MDM4: variants seen among roughly 807,000 people sequenced by gnomAD.
The protein encoded by MDM4 is protein Mdm4.
In MDM4, 2 loss-of-function variants were observed where a neutral mutation model predicts 60.2. That is an observed-to-expected ratio of 0.03 (90% CI 0.01 to 0.10). The LOEUF (loss-of-function observed/expected upper bound fraction) is 0.10, where lower values mean the gene tolerates loss of function less well. MDM4 is among the 10% of genes least tolerant of loss of function. The probability of loss-of-function intolerance (pLI) is 1.00; values close to 1 mark genes in which losing one functional copy is unlikely to be tolerated. For synonymous variants in MDM4, 202 were observed against 198.1 expected (o/e 1.02, Z -0.17); for missense variants, 447 against 577.5 (o/e 0.77, Z 2.32).
Position 204,529,674 on chromosome 1 carries a change from G to A in MDM4, c.154-1010G>A, listed in dbSNP as rs538125542. ...TGCCCTGCATCTCCAGGGCAGCCCC[G>A]CCCATACAGATAGCTGGCTGTGGCA... On this transcript the variant is annotated intron_variant, in intron 3 of 10. Coordinates refer to ENST00000367182, the MANE Select transcript of MDM4 (RefSeq NM_002393.5). 42 of 619,246 alleles carry A rather than the reference G, an allele frequency of 6.8e-5. No individual in the cohort carries two copies. The African/African-American group carries it at 7.1e-4, about 10-fold the overall frequency. 38.4% of individuals were successfully genotyped at this position (619,246 alleles called of 1,614,324 possible). A position where few individuals can be genotyped will look rare whatever the true frequency, so the allele number is the denominator to read the frequency against.
chr1:204,527,071 G>A (rs1360963750), intron 3 of MDM4, among the ~76,000 whole-genome samples: 1 of 151,754 alleles, frequency 6.6e-6, no homozygotes, highest in African/African-American at 2.4e-5. Context: ...GAGGTGGAGG[G>A]ATTGCATGAA....
At chr1:204,519,018 A>G (rs921931811) in intron 1 of MDM4, among the ~76,000 whole-genome samples, 14 of 152,198 alleles carry the variant, frequency 9.2e-5, no homozygotes, top group African/African-American at 3.4e-4. Flanking sequence ...TTGAAGGTTT[A>G]GGATGAATCA....
rs570318072 is a variant in MDM4, at chr1:204,517,484, ACTTCTGCCTCACGGGTTCAAGTGATT to A, written c.-36+987_-36+1012del. Among the ~76,000 whole-genome samples, 220 of 151,856 alleles carry A rather than the reference ACTTCTGCCTCACGGGTTCAAGTGATT, an allele frequency of 1.4e-3. 1 individual carries two copies. Among genetic ancestry groups the A allele is most frequent in the African/African-American group, 5.0e-3 (209 of 41,454 alleles). On this transcript the variant is annotated intron_variant, in intron 1 of 10. Coordinates refer to ENST00000367182, the MANE Select transcript of MDM4 (RefSeq NM_002393.5). ...AGTGGCGCGATCTTGGCTCACTGCA[ACTTCTGCCTCACGGGTTCAAGTGATT>A]CTTCTGCCTCAGCCTCCCGGGTCGC...
chr1:204,531,835 A>G (rs1351438839), intron 4 of MDM4, among the ~76,000 whole-genome samples: 1 of 150,384 alleles, frequency 6.6e-6, no homozygotes, highest in Non-Finnish European at 1.5e-5. Flanking sequence ...TCCGTCTCCA[A>G]AAAAAAAAGA....
Position 204,538,099 on chromosome 1 carries a change from G to C in MDM4, c.412-110G>C, listed in dbSNP as rs1028520580. The C allele has an allele frequency of 5.2e-6, 4 of 769,200 alleles. No individual in the cohort carries two copies. In the Admixed American group the frequency reaches 7.1e-5, roughly 14 times the overall value. 47.6% of individuals were successfully genotyped at this position (769,200 alleles called of 1,614,324 possible). ...GTTGTGAACTTGAGTTCTCTTTCTT[G>C]TGTGTAACCCATTGTGTTGCACACT... On this transcript the variant is annotated intron_variant, in intron 6 of 10. Transcript: ENST00000367182.
chr1:204,551,156 C>T lies in MDM4; in HGVS notation c.*1474C>T, dbSNP rs1558340717. 2 of 192,818 alleles carry T rather than the reference C, an allele frequency of 1.0e-5. No homozygotes were observed. The highest frequency in any genetic ancestry group is 2.2e-5 in the Non-Finnish European group (2 of 92,462). 11.9% of individuals were successfully genotyped at this position (192,818 alleles called of 1,614,324 possible). On this transcript the variant is annotated 3_prime_UTR_variant, in exon 11 of 11. Transcript: ENST00000367182. ...CTCCCAGATCCAAGCAATCCTCCCACCTAAGCCTCCCAAGTAGCTGGGTCT... is the reference window on the plus strand; with the variant it reads ...CTCCCAGATCCAAGCAATCCTCCCATCTAAGCCTCCCAAGTAGCTGGGTCT...
rs890177144 is a variant in MDM4, at chr1:204,549,880, G to A, written c.*198G>A. 1.3e-5 allele frequency: 6 copies of A among 462,912 alleles called. No homozygotes were observed. Among genetic ancestry groups the A allele is most frequent in the African/African-American group, 1.2e-4 (6 of 49,966 alleles). 28.7% of individuals were successfully genotyped at this position (462,912 alleles called of 1,614,324 possible). A position where few individuals can be genotyped will look rare whatever the true frequency, so the allele number is the denominator to read the frequency against. The stretch of plus-strand genomic sequence containing the variant: ...ATTAGTCAAATTATTAAGTGCCATG[G>A]ATTACTTTATGCAGCAGTCAGGTAC... On this transcript the variant is annotated 3_prime_UTR_variant, in exon 11 of 11. Coordinates refer to ENST00000367182, the MANE Select transcript of MDM4 (RefSeq NM_002393.5).
intron 1 of MDM4, among the ~76,000 whole-genome samples, chr1:204,519,037 C>A (rs1467898401): frequency 6.6e-6 from 1 of 152,108 alleles, no homozygotes; most frequent in Non-Finnish European, 1.5e-5. Flanking sequence ...CAGTTTTGTA[C>A]AAAACTCACA....
intron 4 of MDM4, 82 bp from the exon 5 acceptor site, chr1:204,532,109 C>A: frequency 2.4e-6 from 2 of 816,400 alleles, no homozygotes; most frequent in Non-Finnish European, 2.1e-6. Context: ...ATCAGAAATA[C>A]ATTTAATATT....
intron 9 of MDM4, among the ~76,000 whole-genome samples, chr1:204,546,216 T>C (rs1418661856): frequency 6.6e-6 from 1 of 152,186 alleles, no homozygotes; most frequent in Non-Finnish European, 1.5e-5. Flanking sequence ...TTTTAAATTG[T>C]TTTAGAGACA....
rs4252740 is a variant in MDM4, at chr1:204,549,118, G to A, written c.909G>A (p.Glu303=). The change falls in exon 11 of 11, where the codon GAG becomes GAA. Residue 303 remains glutamate (E), a synonymous_variant. Transcript: ENST00000367182. ...DTDVEVTSED[E]WQCTECKKFN... Reference sequence around the variant, plus strand: ...GGCTTCACTTGTCTTTGTAGGATGAGTGGCAGTGTACTGAATGCAAGAAAT... The same window carrying A: ...GGCTTCACTTGTCTTTGTAGGATGAATGGCAGTGTACTGAATGCAAGAAAT... 2.2e-3 allele frequency: 3,506 copies of A among 1,592,810 alleles called. 114 individuals carry two copies. In the Admixed American group the frequency reaches 0.057, roughly 26 times the overall value.
At position 204,555,825 on chromosome 1, in the gene MDM4, A is replaced by G. The variant is rs1487204554; in HGVS notation, c.*6143A>G. On this transcript the variant is annotated 3_prime_UTR_variant, in exon 11 of 11. Transcript: ENST00000367182. ...GGTTGCAGTGAGCCGAGACTGCACC[A>G]CTGCGCTCCCACCTGGGTGACAGAG... 1 of 182,184 alleles carries G rather than the reference A, an allele frequency of 5.5e-6. No homozygotes were observed. Among genetic ancestry groups the G allele is most frequent in the African/African-American group, 2.4e-5 (1 of 42,502 alleles). The allele number at this position is 182,184 out of a possible 1,614,324, so 11.3% of individuals were successfully genotyped here.
chr1:204,523,503 C>CTTTTTTA (rs1558310755), intron 1 of MDM4, among the ~76,000 whole-genome samples: 1 of 82,004 alleles, frequency 1.2e-5, no homozygotes, highest in East Asian at 4.1e-4. Context: ...TTTTTTTTTG[C>CTTTTTTA]GACAGGGTAT....
At position 204,538,249 on chromosome 1, in the gene MDM4, C is replaced by T; in HGVS notation, c.452C>T (p.Thr151Ile). 1 of 1,611,838 alleles carries T rather than the reference C, an allele frequency of 6.2e-7. No individual in the cohort carries two copies. The highest frequency in any genetic ancestry group is 8.5e-7 in the Non-Finnish European group (1 of 1,177,886). Residue 151 changes from threonine (T) to isoleucine (I), a missense_variant, in exon 7 of 11, where the codon ACA (threonine) becomes ATA (isoleucine). By Grantham distance (89) the Thr-to-Ile change is moderately conservative. This residue lies in a region of MDM4 where 184 missense variants were observed against 179.3 expected (regional missense o/e 1.03). Coordinates refer to ENST00000367182, the MANE Select transcript of MDM4 (RefSeq NM_002393.5). ...AGTTCCACTTCCAGAAAAAGAACTA[C>T]AGAAGACGATATCCCCACACTGCCT... ...EESSTSRKRT[T>I]EDDIPTLPTS...
chr1:204,532,132 A>G (rs1481157352), intron 4 of MDM4, 59 bp from the exon 5 acceptor site: 10 of 1,002,258 alleles, frequency 1.0e-5, no homozygotes, highest in Non-Finnish European at 1.6e-5. Context: ...ACGGCAAACC[A>G]CTGATATCTT....
intron 5 of MDM4, among the ~76,000 whole-genome samples, chr1:204,535,456 C>T (rs1336923045): frequency 2.7e-5 from 4 of 150,604 alleles, no homozygotes; most frequent in Non-Finnish European, 5.9e-5. Context: ...TGCACCCAGC[C>T]TAAAATGGTA....
chr1:204,521,426 C>T (rs933376378), intron 1 of MDM4, among the ~76,000 whole-genome samples: 2 of 151,980 alleles, frequency 1.3e-5, no homozygotes, highest in East Asian at 1.9e-4. Flanking sequence ...AAGGACACCT[C>T]GAGACCGTTG....
chr1:204,527,143 A>T (rs3014610), intron 3 of MDM4, among the ~76,000 whole-genome samples: 15,764 of 151,450 alleles, frequency 0.1, 2,372 homozygotes, highest in African/African-American at 0.33. Context: ...AAAAAAAAAA[A>T]AAATACAAAA....
chr1:204,524,560 C>T lies in MDM4; in HGVS notation c.-35-924C>T, dbSNP rs191791993. Among the ~76,000 whole-genome samples the T allele has an allele frequency of 3.6e-3, 552 of 152,298 alleles. 1 individual carries two copies. Among genetic ancestry groups the T allele is most frequent in the Middle Eastern group, 0.017 (5 of 294 alleles). ...TTGGGAGGCTGAGGTGGGCGGATCA[C>T]GAGGTCAGGAATTTGAGACCAGCCT... On this transcript the variant is annotated intron_variant, in intron 1 of 10. Coordinates refer to ENST00000367182, the MANE Select transcript of MDM4 (RefSeq NM_002393.5).
Sources: allele counts gnomAD v4.1 joint callset (sites outside exome capture counted in the v4.1 genomes callset), GRCh38; gene constraint gnomAD v4.1.1; regional missense constraint gnomAD v4.1.1; transcripts MANE v1.5; gene names NCBI Gene and HGNC (gene_info 2026-07-23, HGNC 2026-07-21).